The following STAG2 variants were observed in gnomAD, a reference collection of about 807,000 sequenced individuals.
STAG2 encodes the protein STAG2 cohesin complex component.
In STAG2, 14 loss-of-function variants were observed where a neutral mutation model predicts 108.1. The ratio of observed to expected loss-of-function variants is 0.13; its 90% CI spans 0.09 to 0.20. The LOEUF is 0.20. STAG2 is among the 10% of genes least tolerant of loss of function. STAG2 has a pLI of 1.00. For missense variants in STAG2, 440 were observed against 940.9 expected (o/e 0.47, Z 6.96); for synonymous variants, 307 against 302.7 (o/e 1.01, Z -0.15).
chrX:124,010,179 T>A (rs1418333570), intron 1 of STAG2, among the ~76,000 whole-genome samples: 2 of 111,720 alleles, frequency 1.8e-5, no homozygotes, highest in East Asian at 5.6e-4. Flanking sequence ...ATTTTTTAAG[T>A]GTATAATTGA....
At chrX:123,961,457 A>G (rs1160412217), upstream of STAG2, 1 of 93,376 alleles carries the variant, frequency 1.1e-5, no homozygotes. Context: ...TGCGAGCCGT[A>G]GTCGGGGGAG....
At chrX:124,005,258 T>C (rs2056230199) in intron 1 of STAG2, among the ~76,000 whole-genome samples, 1 of 112,088 alleles carries the variant, frequency 8.9e-6, no homozygotes, top group Admixed American at 9.5e-5. Flanking sequence ...GCTAACTGTA[T>C]TTATTCAGAT....
At chrX:124,023,690 T>G (rs1262237216) in intron 3 of STAG2, among the ~76,000 whole-genome samples, 1 of 112,030 alleles carries the variant, frequency 8.9e-6, no homozygotes, top group Non-Finnish European at 1.9e-5. Flanking sequence ...TGAGTTCATA[T>G]TTTAAAGATA....
intron 1 of STAG2, chrX:123,963,180 C>T (rs1006635396): frequency 3.6e-5 from 4 of 111,561 alleles, no homozygotes; most frequent in Admixed American, 2.9e-4. Context: ...ATTCCTGGCT[C>T]TAGCAGGGCC....
At chrX:124,059,583 G>C (rs758133330) in intron 15 of STAG2, among the ~76,000 whole-genome samples, 8 of 111,736 alleles carry the variant, frequency 7.2e-5, no homozygotes, top group African/African-American at 2.3e-4. Flanking sequence ...TTTAAATGTT[G>C]AATCAACCTA....
intron 15 of STAG2, 82 bp from the exon 16 acceptor site, chrX:124,061,142 G>A: frequency 1.5e-6 from 1 of 650,722 alleles, no homozygotes. Context: ...GTTTGTAGAT[G>A]ATGTCAATAA....
intron 8 of STAG2, 85 bp downstream of exon 8, chrX:124,045,453 G>T: frequency 1.2e-6 from 1 of 851,139 alleles, no homozygotes; most frequent in Admixed American, 3.0e-5. Context: ...AAATAACAGA[G>T]ATACAAATTA....
At chrX:123,999,650 C>T (rs752816387) in intron 1 of STAG2, among the ~76,000 whole-genome samples, 112 of 111,373 alleles carry the variant, frequency 1.0e-3, no homozygotes, top group Non-Finnish European at 1.8e-3. Context: ...TTGCCTCTGT[C>T]GCTCAGGGTG....
intron 1 of STAG2, among the ~76,000 whole-genome samples, chrX:123,986,966 A>G (rs918668336): frequency 9.1e-6 from 1 of 109,805 alleles, no homozygotes; most frequent in Non-Finnish European, 1.9e-5. Context: ...GGTGTGCGCC[A>G]CCATGTCCAG....
In STAG2 at chrX:124,071,188, C is replaced by T; in HGVS notation, c.2398C>T (p.His800Tyr). The stretch of plus-strand genomic sequence containing the variant: ...GTGTGATATTTTGATGATCTTCAGC[C>T]ATCAGATTATGTCAGGAGGGCGTGA... ...ILCDILMIFSHQIMSGGRDML... is the reference protein window; with the variant it reads ...ILCDILMIFSYQIMSGGRDML... Residue 800 changes from histidine to tyrosine, a missense_variant, in exon 25 of 35, where the codon CAT (histidine) becomes TAT (tyrosine). His to Tyr is a moderately conservative substitution (Grantham distance 83). Around this residue, in one of 3 missense-constraint regions of STAG2, gnomAD observed 337 missense variants for 649.3 expected, o/e 0.52. Coordinates refer to ENST00000371145, the MANE Select transcript of STAG2 (RefSeq NM_001042750.2). 1 of 1,194,722 alleles carries T rather than the reference C, an allele frequency of 8.4e-7. No individual in the cohort carries two copies.
intron 2 of STAG2, among the ~76,000 whole-genome samples, chrX:124,021,807 G>GT (rs1001797051): frequency 7.3e-5 from 8 of 110,311 alleles, no homozygotes; most frequent in Non-Finnish European, 1.5e-4. Context: ...TATATCTTAG[G>GT]TTTTTTTTAT....
Position 124,005,218 on chromosome X carries a change from C to G in STAG2, c.-162-16149C>G, listed in dbSNP as rs183944063. Among the ~76,000 whole-genome samples the G allele has an allele frequency of 3.4e-3, 384 of 111,469 alleles. 1 individual carries two copies. The highest frequency in any genetic ancestry group is 0.012 in the African/African-American group (356 of 30,688). ...ATTTTCTATCTGTGGTTGGTTGAAT[C>G]TGAGCATGGGGAACCCATGGATATG... On this transcript the variant is annotated intron_variant, in intron 1 of 34. Transcript: ENST00000371145.
intron 1 of STAG2, among the ~76,000 whole-genome samples, chrX:124,008,308 G>C (rs1438371193): frequency 9.3e-6 from 1 of 107,116 alleles, no homozygotes; most frequent in Non-Finnish European, 1.9e-5. Context: ...CCGCTTCCCA[G>C]GTTCAAGCGA....
intron 1 of STAG2, among the ~76,000 whole-genome samples, chrX:124,008,820 A>G (rs987498067): frequency 8.9e-6 from 1 of 111,989 alleles, no homozygotes; most frequent in East Asian, 2.8e-4. Flanking sequence ...AATCTTCTCA[A>G]TCATGTTGTT....
rs186473893 is a variant in STAG2 at position 124,093,672 on chromosome X, A to T, written c.3579-346A>T. On this transcript the variant is annotated intron_variant, in intron 32 of 34. Transcript: ENST00000371145. ...ATGTCATTTTTTTGGTCTCTGTTTT[A>T]TGTTTGTTTATTAATTTGTACCCTG... Among the ~76,000 whole-genome samples, 575 of 110,173 alleles carry T rather than the reference A, an allele frequency of 5.2e-3. 4 individuals carry two copies. The highest frequency in any genetic ancestry group is 8.1e-3 in the Non-Finnish European group (430 of 52,764).
At chrX:124,043,216 C>A (rs2057774659) in intron 7 of STAG2, among the ~76,000 whole-genome samples, 1 of 105,331 alleles carries the variant, frequency 9.5e-6, no homozygotes, top group African/African-American at 3.5e-5. Context: ...GCAACCTCTG[C>A]CTCCTGGGTT....
chrX:123,997,181 C>T (rs12858105), intron 1 of STAG2, among the ~76,000 whole-genome samples: 3,771 of 111,842 alleles, frequency 0.034, 61 homozygotes, highest in Non-Finnish European at 0.048. Flanking sequence ...CAACTTTGTT[C>T]TTTTTCAAAA....
At chrX:124,032,575 T>G (rs769424604) in intron 5 of STAG2, among the ~76,000 whole-genome samples, 1 of 110,741 alleles carries the variant, frequency 9.0e-6, no homozygotes, top group South Asian at 3.9e-4. Context: ...CAGTGGGTAG[T>G]TTTTCAGTCC....
At chrX:123,997,716 C>T (rs758439368) in intron 1 of STAG2, among the ~76,000 whole-genome samples, 1 of 112,442 alleles carries the variant, frequency 8.9e-6, no homozygotes, top group Non-Finnish European at 1.9e-5. Flanking sequence ...CGGCTCACTG[C>T]AACCTCCTCC....
Sources: allele counts gnomAD v4.1 joint callset (sites outside exome capture counted in the v4.1 genomes callset), GRCh38; gene constraint gnomAD v4.1.1; regional missense constraint gnomAD v4.1.1; transcripts MANE v1.5; gene names NCBI Gene and HGNC (gene_info 2026-07-23, HGNC 2026-07-21).